The following CFAP20DC variants were observed in gnomAD, a reference collection of about 807,000 sequenced individuals.
CFAP20DC encodes the protein CFAP20 domain containing.
In CFAP20DC, 84 loss-of-function variants were observed where a neutral mutation model predicts 101.7. That is an observed-to-expected ratio of 0.83 (90% CI 0.69 to 0.99). CFAP20DC has a LOEUF of 0.99. Among genes scored for constraint, CFAP20DC ranks in the 50% least tolerant of loss-of-function variants. The probability of loss-of-function intolerance (pLI) is 0.00; values close to 1 mark genes in which losing one functional copy is unlikely to be tolerated. For missense variants in CFAP20DC, 1,007 were observed against 970.3 expected (o/e 1.04, Z -0.50); for synonymous variants, 359 against 351.2 (o/e 1.02, Z -0.25).
intron 15 of CFAP20DC, among the ~76,000 whole-genome samples, chr3:58,801,795 A>G (rs1367746178): frequency 2.6e-5 from 4 of 152,214 alleles, no homozygotes; most frequent in Non-Finnish European, 5.9e-5. Context: ...TATGGTTATA[A>G]GTGTGTTTAT....
chr3:58,729,039 T>C lies in CFAP20DC; in HGVS notation c.198-11411A>G, dbSNP rs956263169. 6.6e-6 allele frequency among the ~76,000 whole-genome samples: 1 copy of C among 152,166 alleles called. No homozygotes were observed. Among genetic ancestry groups the C allele is most frequent in the Non-Finnish European group, 1.5e-5 (1 of 68,022 alleles). On this transcript the variant is annotated intron_variant, in intron 3 of 3. Coordinates refer to the CFAP20DC transcript ENST00000486145. The surrounding 1 kb of genome is among the most constrained non-coding windows in gnomAD (Gnocchi z 4.4). ...ACAATGTTTCATAGTCACTCAGTCA[T>C]ATGGAGAGGCCCATATCCCAGCTCA...
intron 3 of CFAP20DC, among the ~76,000 whole-genome samples, chr3:58,730,795 T>G (rs1029139537): frequency 1.3e-5 from 2 of 152,246 alleles, no homozygotes; most frequent in Non-Finnish European, 2.9e-5. Context: ...AGAATTTTTT[T>G]TTTTAAAGTA....
chr3:58,838,732 G>C (rs1363640256), intron 13 of CFAP20DC, among the ~76,000 whole-genome samples: 2 of 152,178 alleles, frequency 1.3e-5, no homozygotes, highest in Non-Finnish European at 2.9e-5. Flanking sequence ...GACAAATAGA[G>C]CTGAACTCTT....
chr3:59,022,575 T>TA (rs1369804116), intron 4 of CFAP20DC, among the ~76,000 whole-genome samples: 5 of 151,752 alleles, frequency 3.3e-5, no homozygotes, highest in Admixed American at 6.6e-5. Flanking sequence ...CATTTAACCT[T>TA]AAAAAAAAGA....
At chr3:58,759,694 C>G (rs917107836) in intron 15 of CFAP20DC, among the ~76,000 whole-genome samples, 10 of 152,192 alleles carry the variant, frequency 6.6e-5, no homozygotes, top group Non-Finnish European at 1.3e-4. Flanking sequence ...TTTAACCCAT[C>G]TTGAATTAAT....
intron 3 of CFAP20DC, chr3:58,726,927 A>G (rs1350767402): frequency 4.1e-6 from 1 of 246,508 alleles, no homozygotes; most frequent in Non-Finnish European, 8.1e-6. Flanking sequence ...AGAGCGACCC[A>G]TCCCTTCCAC....
At chr3:59,010,900 C>T (rs2093566685) in intron 4 of CFAP20DC, among the ~76,000 whole-genome samples, 1 of 151,952 alleles carries the variant, frequency 6.6e-6, no homozygotes, top group Non-Finnish European at 1.5e-5. Flanking sequence ...AATTAAACTC[C>T]AAAAGGAGCC....
At chr3:58,773,042 C>G (rs1341284530) in intron 15 of CFAP20DC, among the ~76,000 whole-genome samples, 2 of 149,778 alleles carry the variant, frequency 1.3e-5, no homozygotes, top group East Asian at 1.9e-4. Context: ...AAAGCAGTTT[C>G]TCTCTTTAGG....
chr3:58,923,811 T>C (rs962895848), intron 5 of CFAP20DC, among the ~76,000 whole-genome samples: 2 of 152,216 alleles, frequency 1.3e-5, no homozygotes, highest in African/African-American at 4.8e-5. Context: ...ATATTACTTC[T>C]ATAAATTTTC....
At chr3:58,886,136 A>G (rs2081608065) in intron 6 of CFAP20DC, among the ~76,000 whole-genome samples, 1 of 152,198 alleles carries the variant, frequency 6.6e-6, no homozygotes, top group African/African-American at 2.4e-5. Context: ...AAATGTTCAT[A>G]CCATTTTACT....
At position 58,899,591 on chromosome 3, in the gene CFAP20DC, T is replaced by G. The variant is rs1284001671; in HGVS notation, c.550+14117A>C. On this transcript the variant is annotated intron_variant, in intron 6 of 16. Transcript: ENST00000482387. The surrounding 1 kb of genome is among the most constrained non-coding windows in gnomAD (Gnocchi z 5.0). ...CTGGGACTCCACACAGCTCTGTTTA[T>G]TGGACCCAGTACCCTGGTGGCATGC... 1.3e-5 allele frequency among the ~76,000 whole-genome samples: 2 copies of G among 152,144 alleles called. No homozygotes were observed. The highest frequency in any genetic ancestry group is 2.9e-5 in the Non-Finnish European group (2 of 68,038).
intron 6 of CFAP20DC, among the ~76,000 whole-genome samples, chr3:58,893,377 T>C (rs1369946715): frequency 1.3e-5 from 2 of 152,240 alleles, no homozygotes; most frequent in African/African-American, 4.8e-5. Flanking sequence ...AGGCCTTTTC[T>C]GCATCTATTA....
At chr3:58,816,583 C>G (rs1230875992) in intron 14 of CFAP20DC, among the ~76,000 whole-genome samples, 6 of 152,052 alleles carry the variant, frequency 3.9e-5, no homozygotes, top group African/African-American at 9.7e-5. Flanking sequence ...CTTTTCAGAC[C>G]GGCTTAAAAA....
chr3:58,763,630 C>T (rs979806765), intron 15 of CFAP20DC, among the ~76,000 whole-genome samples: 1 of 152,306 alleles, frequency 6.6e-6, no homozygotes, highest in South Asian at 2.1e-4. Context: ...TTTAGAGTTT[C>T]CAGTTTTTCT....
chr3:58,751,236 A>G (rs1175309631), intron 16 of CFAP20DC, among the ~76,000 whole-genome samples: 1 of 152,220 alleles, frequency 6.6e-6, no homozygotes, highest in Non-Finnish European at 1.5e-5. Context: ...ACAATAAACA[A>G]GTAGACAAAT....
At chr3:58,823,314 A>G (rs1179190712) in intron 14 of CFAP20DC, among the ~76,000 whole-genome samples, 1 of 152,164 alleles carries the variant, frequency 6.6e-6, no homozygotes, top group Non-Finnish European at 1.5e-5. Context: ...CTAGGTAGGT[A>G]GCATCCTGTG....
At chr3:58,891,313 C>T in intron 6 of CFAP20DC, among the ~76,000 whole-genome samples, 1 of 151,696 alleles carries the variant, frequency 6.6e-6, no homozygotes. Flanking sequence ...ACTCTGCAGG[C>T]TGAGGCAGGA....
rs1038318465 is a variant in CFAP20DC at position 58,801,624 on chromosome 3, G to GA, written c.2237+4770dup. Among the ~76,000 whole-genome samples, 694 of 143,800 alleles carry GA rather than the reference G, an allele frequency of 4.8e-3. 6 individuals carry two copies. Among genetic ancestry groups the GA allele is most frequent in the African/African-American group, 0.016 (614 of 39,440 alleles). The allele number at this position is 143,800 out of a possible 152,430, so 94.3% of individuals were successfully genotyped here. On this transcript the variant is annotated intron_variant, in intron 15 of 16. Transcript: ENST00000482387. ...AGGTTGCATCGTGACAACTGGAGAG[G>GA]AAAAAAAAAAACAAAACGATACCAC...
intron 4 of CFAP20DC, among the ~76,000 whole-genome samples, chr3:59,000,558 G>C (rs577592222): frequency 6.6e-6 from 1 of 152,278 alleles, no homozygotes; most frequent in Non-Finnish European, 1.5e-5. Flanking sequence ...AATGCTGATG[G>C]AGGCCCTCCA....
Sources: allele counts gnomAD v4.1 joint callset (sites outside exome capture counted in the v4.1 genomes callset), GRCh38; gene constraint gnomAD v4.1.1; non-coding constraint Gnocchi (gnomAD v3.1); transcripts MANE v1.5; gene names NCBI Gene and HGNC (gene_info 2026-07-23, HGNC 2026-07-21).